PLK5: variants seen among roughly 807,000 people sequenced by gnomAD.
PLK5 encodes the protein inactive serine/threonine-protein kinase PLK5.
Under a neutral mutation model 33.7 loss-of-function variants are expected in PLK5, and 28 were observed. The observed-to-expected ratio is 0.83, with a 90% CI of 0.62 to 1.14. The LOEUF (loss-of-function observed/expected upper bound fraction) is 1.14, where lower values mean the gene tolerates loss of function less well. Ranked by LOEUF, PLK5 falls within the 50% of genes most tolerant of loss-of-function variation. The pLI is 0.00. For missense variants in PLK5, 492 were observed against 461.5 expected (o/e 1.07, Z -0.61); for synonymous variants, 225 against 202.2 (o/e 1.11, Z -0.96).
intron 12 of PLK5, among the ~76,000 whole-genome samples, chr19:1,532,706 G>A (rs993525274): frequency 5.9e-5 from 9 of 151,892 alleles, no homozygotes; most frequent in Non-Finnish European, 1.3e-4. Flanking sequence ...ATTTTTATTA[G>A]AGACGGGGTT....
chr19:1,524,411 C>T lies in PLK5; in HGVS notation c.-544+165C>T, dbSNP rs1913674252. Among the ~76,000 whole-genome samples the T allele has an allele frequency of 6.6e-6, 1 of 152,200 alleles. No homozygotes were observed. The highest frequency in any genetic ancestry group is 1.9e-4 in the East Asian group (1 of 5,174). ...GCGGGGCCTCCCGTGCGGGGTTTCG[C>T]ATGGCGGGAACCGTGTTGAGCGCGC... On this transcript the variant is annotated intron_variant, in intron 1 of 13. Transcript: ENST00000454744. This position sits in a 1 kb window ranked among gnomAD's most constrained non-coding sequence, Gnocchi z 4.5.
At chr19:1,525,738 A>C (rs1041351270) in intron 3 of PLK5, 27 bp downstream of exon 3, 11 of 152,740 alleles carry the variant, frequency 7.2e-5, no homozygotes, top group African/African-American at 2.7e-4. Context: ...AGAGGGCAGG[A>C]TTCATGTCAG....
chr19:1,535,674 G>T lies in PLK5; in HGVS notation c.*424G>T. The T allele has an allele frequency of 5.2e-6, 1 of 191,718 alleles. No individual in the cohort carries two copies. The highest frequency in any genetic ancestry group is 1.1e-5 in the Non-Finnish European group (1 of 94,504). 11.9% of individuals were successfully genotyped at this position (191,718 alleles called of 1,614,324 possible). A position where few individuals can be genotyped will look rare whatever the true frequency, so the allele number is the denominator to read the frequency against. ...AAGGCAGGAGGATCGCTTGGGCCCAGGAGTTTGAGACCAGCCTGGGCAACA... is the reference window on the plus strand; with the variant it reads ...AAGGCAGGAGGATCGCTTGGGCCCATGAGTTTGAGACCAGCCTGGGCAACA... On this transcript the variant is annotated 3_prime_UTR_variant, in exon 14 of 14. Coordinates refer to ENST00000454744, the MANE Select transcript of PLK5 (RefSeq NM_001243079.2).
At chr19:1,528,257 G>C in intron 7 of PLK5, 45 bp from the exon 8 acceptor site, 1 of 1,535,772 alleles carries the variant, frequency 6.5e-7, no homozygotes, top group Non-Finnish European at 8.7e-7. Context: ...GTGCTCAGGG[G>C]CTGGGTGACC....
In PLK5 at chr19:1,533,956, C is replaced by T; in HGVS notation, c.740C>T (p.Pro247Leu). The change falls in exon 13 of 14, where the codon CCA becomes CTA. Residue 247 changes from proline (P) to leucine (L), a missense_variant. Transcript: ENST00000454744. ...RREGTLPTPV[P>L]PAGPGLCLLR... is the part of the protein sequence containing the mutation. The stretch of plus-strand genomic sequence containing the variant: ...GAGGGGACCCTCCCCACACCTGTGC[C>T]ACCTGCTGGACCCGGCCTCTGCCTC... 3.9e-6 allele frequency: 6 copies of T among 1,534,652 alleles called. No individual in the cohort carries two copies. Among genetic ancestry groups the T allele is most frequent in the Non-Finnish European group, 5.2e-6 (6 of 1,146,752 alleles).
chr19:1,527,579 G>A (rs909251692), intron 6 of PLK5, among the ~76,000 whole-genome samples: 18 of 151,314 alleles, frequency 1.2e-4, no homozygotes, highest in Non-Finnish European at 1.5e-5. Flanking sequence ...TCCAGCCTGG[G>A]TGACAGAATG....
At position 1,529,782 on chromosome 19, in the gene PLK5, G is replaced by GA; in HGVS notation, c.526_527insA (p.Ala176AspfsTer87). On this transcript the variant is annotated frameshift_variant, in exon 11 of 14. Transcript: ENST00000454744. LOFTEE classifies it high-confidence loss of function. ...GAGCCGGCGGCCAGAGGTGGAGGCG[G>GA]CCCTCAGACACCTGCAGCTGTGCCT... 6 of 1,536,004 alleles carry GA rather than the reference G, an allele frequency of 3.9e-6. No homozygotes were observed. Among genetic ancestry groups the GA allele is most frequent in the Non-Finnish European group, 5.2e-6 (6 of 1,146,860 alleles).
chr19:1,528,346 C>A lies in PLK5; in HGVS notation c.246C>A (p.Pro82=). The A allele has an allele frequency of 6.5e-7, 1 of 1,535,768 alleles. No homozygotes were observed. Among genetic ancestry groups the A allele is most frequent in the South Asian group, 1.2e-5 (1 of 84,062 alleles). ...DRLPAHSCHS[P]PIFAIPPPLG... Reference sequence around the variant, plus strand: ...TGCCGGCCCACTCCTGCCACAGTCCCCCCATCTTCGCCATACCCCCGCCTC... The same window carrying A: ...TGCCGGCCCACTCCTGCCACAGTCCACCCATCTTCGCCATACCCCCGCCTC... Residue 82 remains proline (P), a synonymous_variant, in exon 8 of 14, where the codon CCC becomes CCA. Transcript: ENST00000454744.
Position 1,533,985 on chromosome 19 carries a change from C to A in PLK5, c.769C>A (p.Arg257Ser). The A allele has an allele frequency of 1.3e-6, 2 of 1,535,342 alleles. No homozygotes were observed. The highest frequency in any genetic ancestry group is 1.7e-6 in the Non-Finnish European group (2 of 1,146,786). Residue 257 changes from arginine to serine, a missense_variant, in exon 13 of 14, where the codon CGC becomes AGC. Transcript: ENST00000454744. ...TGCTGGACCCGGCCTCTGCCTCCTG[C>A]GCTTCCTGGCCTCTGAGCACGCCCT... ...PPAGPGLCLLRFLASEHALLL... is the reference protein window; with the variant it reads ...PPAGPGLCLLSFLASEHALLL...
intron 13 of PLK5, among the ~76,000 whole-genome samples, chr19:1,534,370 G>C (rs182391577): frequency 2.2e-3 from 333 of 151,554 alleles, no homozygotes; most frequent in Non-Finnish European, 3.8e-3. Context: ...AGCTGGGCGT[G>C]GTGGAGCCTT....
chr19:1,528,813 G>T, intron 8 of PLK5, 85 bp from the exon 9 acceptor site: 1 of 1,056,258 alleles, frequency 9.5e-7, no homozygotes. Flanking sequence ...CTCCACATCA[G>T]GGGTGGGTGT....
At chr19:1,532,192 G>A (rs368043154) in intron 12 of PLK5, among the ~76,000 whole-genome samples, 39 of 152,228 alleles carry the variant, frequency 2.6e-4, no homozygotes, top group African/African-American at 8.9e-4. Flanking sequence ...GATTCCTTGA[G>A]CCCAGGAGAT....
intron 13 of PLK5, 67 bp from the exon 14 acceptor site, chr19:1,534,998 A>G (rs1914051856): frequency 1.5e-6 from 2 of 1,361,864 alleles, no homozygotes; most frequent in Non-Finnish European, 1.9e-6. Context: ...GTCCTTCTGG[A>G]GCGCCACGGC....
At position 1,526,970 on chromosome 19, in the gene PLK5, T is replaced by G. The variant is rs1482987424; in HGVS notation, c.-27T>G. 6.5e-7 allele frequency: 1 copy of G among 1,531,562 alleles called. No individual in the cohort carries two copies. Among genetic ancestry groups the G allele is most frequent in the South Asian group, 1.2e-5 (1 of 83,978 alleles). 94.9% of individuals were successfully genotyped at this position (1,531,562 alleles called of 1,614,324 possible). A position where few individuals can be genotyped will look rare whatever the true frequency, so the allele number is the denominator to read the frequency against. On this transcript the variant is annotated 5_prime_UTR_variant, in exon 6 of 14. It removes the in-frame stop codon of an upstream open reading frame in the 5' UTR. Coordinates refer to ENST00000454744, the MANE Select transcript of PLK5 (RefSeq NM_001243079.2). ...CTCCAGAAACGGTCACTCCTGCCAG[T>G]AGGACATCTGGGCTCTGGGCTGCAT... is the stretch of plus-strand genomic sequence containing the variant.
At position 1,535,388 on chromosome 19, in the gene PLK5, G is replaced by C; in HGVS notation, c.*138G>C. The C allele has an allele frequency of 1.1e-6, 1 of 933,248 alleles. No homozygotes were observed. The highest frequency in any genetic ancestry group is 1.8e-5 in the South Asian group (1 of 55,124). The allele number at this position is 933,248 out of a possible 1,614,324, so 57.8% of individuals were successfully genotyped here. On this transcript the variant is annotated 3_prime_UTR_variant, in exon 14 of 14. Transcript: ENST00000454744. ...ACGGGAGGTGGGTTCTTGCCTTGTG[G>C]CATGACTGTTCAACCCAGACTTTGC...
chr19:1,529,551 A>T (rs2656863), intron 10 of PLK5, 61 bp downstream of exon 10: 1 of 1,491,754 alleles, frequency 6.7e-7, no homozygotes, highest in Non-Finnish European at 9.0e-7. Flanking sequence ...TACAAGTGAC[A>T]GGGGGACCAA....
intron 6 of PLK5, among the ~76,000 whole-genome samples, chr19:1,527,667 G>C (rs1356144967): frequency 6.6e-6 from 1 of 151,666 alleles, no homozygotes; most frequent in Admixed American, 6.5e-5. Flanking sequence ...CCAGGTGCAG[G>C]CAGGGGATGG....
intron 6 of PLK5, 95 bp from the exon 7 acceptor site, chr19:1,527,841 C>T (rs1913785178): frequency 1.6e-6 from 2 of 1,286,230 alleles, no homozygotes; most frequent in African/African-American, 1.5e-5. Context: ...ATATGGGTTG[C>T]ACAGCTAAGC....
chr19:1,529,721 T>G lies in PLK5; in HGVS notation c.491-26T>G, dbSNP rs1259383484. ...CTGGTGGTGGGAACCCAGACCTGTC[T>G]GCGGCACAAAGACCTGTCTTCCCAG... On this transcript the variant is annotated intron_variant, in intron 10 of 13. Transcript: ENST00000454744. 5.9e-6 allele frequency: 9 copies of G among 1,535,634 alleles called. No individual in the cohort carries two copies. The East Asian group carries it at 7.3e-5, about 13-fold the overall frequency.
Sources: allele counts gnomAD v4.1 joint callset (sites outside exome capture counted in the v4.1 genomes callset), GRCh38; gene constraint gnomAD v4.1.1; non-coding constraint Gnocchi (gnomAD v3.1); transcripts MANE v1.5; gene names NCBI Gene and HGNC (gene_info 2026-07-23, HGNC 2026-07-21).